CLVS1: variants seen among roughly 807,000 people sequenced by gnomAD.
The protein encoded by CLVS1 is clavesin-1.
A neutral mutation model predicts 33.1 loss-of-function variants in CLVS1; 10 were observed. The observed-to-expected ratio is 0.30, with a 90% CI of 0.19 to 0.51. The LOEUF (loss-of-function observed/expected upper bound fraction) is 0.51. Among genes scored for constraint, CLVS1 ranks in the 20% least tolerant of loss-of-function variants. The probability of loss-of-function intolerance (pLI) is 0.97; values close to 1 mark genes in which losing one functional copy is unlikely to be tolerated. For synonymous variants in CLVS1, 163 were observed against 166.1 expected, an observed-to-expected ratio of 0.98 and a Z score of 0.14; for missense variants, 343 against 433.4, an observed-to-expected ratio of 0.79 and a Z score of 1.85.
chr8:61,018,740 C>G, the CLVS1 span, among the ~76,000 whole-genome samples: 2 of 152,220 alleles, frequency 1.3e-5, no homozygotes, highest in African/African-American at 4.8e-5. Context: ...CAGCAAGTGG[C>G]TTGGTTGACT....
chr8:61,156,008 G>C (rs752232488), intron 2 of CLVS1, among the ~76,000 whole-genome samples: 3 of 152,164 alleles, frequency 2.0e-5, no homozygotes, highest in Non-Finnish European at 4.4e-5. Context: ...AGGTTCAGGA[G>C]TTTGAGACCA....
At chr8:61,134,874 C>T (rs1341609085) in intron 2 of CLVS1, among the ~76,000 whole-genome samples, 1 of 152,036 alleles carries the variant, frequency 6.6e-6, no homozygotes, top group East Asian at 1.9e-4. Context: ...GAAATTAGGA[C>T]ATAGACATCT....
intron 3 of CLVS1, among the ~76,000 whole-genome samples, chr8:61,412,177 T>C (rs1815256104): frequency 6.6e-6 from 1 of 152,130 alleles, no homozygotes; most frequent in Non-Finnish European, 1.5e-5. Context: ...TTACAGAAAG[T>C]GATGATTTGG....
intron 2 of CLVS1, among the ~76,000 whole-genome samples, chr8:61,349,543 G>A (rs1812362687): frequency 6.6e-6 from 1 of 151,882 alleles, no homozygotes; most frequent in African/African-American, 2.4e-5. Flanking sequence ...GGTTTGGGTG[G>A]GCAGATGGTA....
At chr8:61,345,782 A>G (rs553530818) in intron 2 of CLVS1, among the ~76,000 whole-genome samples, 1 of 151,964 alleles carries the variant, frequency 6.6e-6, no homozygotes, top group Non-Finnish European at 1.5e-5. Context: ...AAGGTGACTG[A>G]ACAGCTTCTA....
chr8:61,271,856 T>G (rs1809445092), intron 2 of CLVS1, among the ~76,000 whole-genome samples: 1 of 150,730 alleles, frequency 6.6e-6, no homozygotes, highest in South Asian at 2.1e-4. Flanking sequence ...TTTTTTGTTT[T>G]CCATTTGCTT....
chr8:61,314,992 A>G (rs180726688), intron 2 of CLVS1, among the ~76,000 whole-genome samples: 12 of 152,312 alleles, frequency 7.9e-5, no homozygotes, highest in African/African-American at 2.6e-4. Context: ...ATGCTTGGAA[A>G]TGTAGTTGTG....
chr8:61,426,926 G>A (rs1238608110), intron 3 of CLVS1, among the ~76,000 whole-genome samples: 1 of 152,166 alleles, frequency 6.6e-6, no homozygotes, highest in Non-Finnish European at 1.5e-5. Flanking sequence ...GCAGTTGTTA[G>A]CAGCTTTCTG....
chr8:61,093,504 TC>T (rs542646295), intron 1 of CLVS1, among the ~76,000 whole-genome samples: 133 of 152,306 alleles, frequency 8.7e-4, no homozygotes, highest in Middle Eastern at 3.4e-3. Context: ...ACCCCAAAAG[TC>T]ATTTTCCTGT....
At chr8:61,374,675 T>A (rs1255382469) in intron 2 of CLVS1, among the ~76,000 whole-genome samples, 1 of 152,194 alleles carries the variant, frequency 6.6e-6, no homozygotes, top group African/African-American at 2.4e-5. Flanking sequence ...AGGGAATATA[T>A]CTGAAAGGAA....
the CLVS1 span, among the ~76,000 whole-genome samples, chr8:61,047,937 TATA>T: frequency 1.4e-5 from 2 of 146,492 alleles, no homozygotes; most frequent in Non-Finnish European, 3.0e-5. Flanking sequence ...AAACTTAAAG[TATA>T]ATAATAATAA....
At chr8:61,102,733 G>A (rs1359505000) in intron 1 of CLVS1, among the ~76,000 whole-genome samples, 2 of 152,092 alleles carry the variant, frequency 1.3e-5, no homozygotes, top group Non-Finnish European at 2.9e-5. Flanking sequence ...GGGATCTACT[G>A]CCAGGCCATA....
chr8:61,018,432 T>C, the CLVS1 span, among the ~76,000 whole-genome samples: 1 of 152,222 alleles, frequency 6.6e-6, no homozygotes, highest in Non-Finnish European at 1.5e-5. Flanking sequence ...CTTTGAGTTT[T>C]GAAAGATGAG....
At chr8:61,042,865 G>A in the CLVS1 span, among the ~76,000 whole-genome samples, 2 of 152,126 alleles carry the variant, frequency 1.3e-5, no homozygotes, top group African/African-American at 4.8e-5. Context: ...ATTAGTTGAG[G>A]GTCAAGTCCC....
intron 2 of CLVS1, among the ~76,000 whole-genome samples, chr8:61,316,168 G>A (rs1002830079): frequency 6.6e-6 from 1 of 152,132 alleles, no homozygotes; most frequent in East Asian, 1.9e-4. Context: ...ATACCCAAAG[G>A]ATTATAAATC....
intron 2 of CLVS1, among the ~76,000 whole-genome samples, chr8:61,252,806 T>A (rs2129591759): frequency 6.6e-6 from 1 of 152,352 alleles, no homozygotes; most frequent in Non-Finnish European, 1.5e-5. Flanking sequence ...TTTGAGCCTA[T>A]GTGTGTCTTT....
chr8:61,408,559 CT>C (rs1044015799), intron 3 of CLVS1, among the ~76,000 whole-genome samples: 11 of 152,124 alleles, frequency 7.2e-5, no homozygotes, highest in African/African-American at 2.7e-4. Context: ...GCAAATTAGA[CT>C]TGGTTTTATC....
At chr8:61,092,848 C>T (rs1805273852) in intron 1 of CLVS1, among the ~76,000 whole-genome samples, 1 of 152,168 alleles carries the variant, frequency 6.6e-6, no homozygotes, top group Non-Finnish European at 1.5e-5. Flanking sequence ...TTTTCAGGGA[C>T]TAGGACTTGA....
chr8:61,069,041 A>C (rs1804738158), intron 1 of CLVS1, among the ~76,000 whole-genome samples: 2 of 152,054 alleles, frequency 1.3e-5, no homozygotes, highest in African/African-American at 4.8e-5. Flanking sequence ...ATCTCGGCTC[A>C]CTGCAACTTC....
Sources: gnomAD v4.1 joint callset for allele counts (sites outside exome capture counted in the v4.1 genomes callset) on GRCh38, gnomAD v4.1.1 for gene constraint, MANE v1.5 for transcripts, NCBI Gene and HGNC (gene_info 2026-07-23, HGNC 2026-07-21) for gene names.